The following GRK3 variants were observed in gnomAD, a reference collection of about 807,000 sequenced individuals.
GRK3 encodes adrenergic, beta, receptor kinase 2.
A neutral mutation model predicts 95.7 loss-of-function variants in GRK3; 54 were observed. The ratio of observed to expected loss-of-function variants is 0.56; its 90% CI spans 0.45 to 0.71. The LOEUF is 0.71. Ranked by LOEUF, GRK3 falls within the 30% of genes least tolerant of loss-of-function variation. GRK3 has a pLI of 0.00. For synonymous variants in GRK3, 281 were observed against 290.8 expected, an observed-to-expected ratio of 0.97 and a Z score of 0.34; for missense variants, 649 against 851.2, an observed-to-expected ratio of 0.76 and a Z score of 2.96.
At chr22:25,588,662 TG>T (rs1932397099) in intron 1 of GRK3, among the ~76,000 whole-genome samples, 1 of 152,194 alleles carries the variant, frequency 6.6e-6, no homozygotes, top group Non-Finnish European at 1.5e-5. Flanking sequence ...AGTTTCATTT[TG>T]GGGGAACAGA....
intron 2 of GRK3, among the ~76,000 whole-genome samples, chr22:25,615,520 T>G (rs1315268913): frequency 6.6e-6 from 1 of 152,182 alleles, no homozygotes; most frequent in Non-Finnish European, 1.5e-5. Context: ...TAGTCAAAGT[T>G]AAAACCAGGA....
intron 1 of GRK3, among the ~76,000 whole-genome samples, chr22:25,577,520 T>C (rs1823073489): frequency 6.6e-6 from 1 of 152,184 alleles, no homozygotes. Context: ...TAGCAGTTCA[T>C]TCTAAATTGT....
chr22:25,656,198 T>C (rs2084869938), intron 3 of GRK3, among the ~76,000 whole-genome samples: 1 of 152,246 alleles, frequency 6.6e-6, no homozygotes. Flanking sequence ...TGAGGCAGCT[T>C]ATAGAAATAT....
chr22:25,582,174 G>A (rs1932122569), intron 1 of GRK3, among the ~76,000 whole-genome samples: 1 of 152,028 alleles, frequency 6.6e-6, no homozygotes, highest in African/African-American at 2.4e-5. Context: ...CTACTCAGGA[G>A]GCTGAGGCAG....
chr22:25,698,618 A>G (rs1334234096), intron 13 of GRK3, among the ~76,000 whole-genome samples: 1 of 152,226 alleles, frequency 6.6e-6, no homozygotes, highest in Non-Finnish European at 1.5e-5. Context: ...TGGTTGGGTC[A>G]GCACTGGGAG....
intron 6 of GRK3, among the ~76,000 whole-genome samples, chr22:25,670,881 C>CAAAAAAAAAA (rs71191074): frequency 7.3e-4 from 48 of 65,374 alleles, no homozygotes; most frequent in African/African-American, 1.7e-3. Flanking sequence ...ACTAAAAATA[C>CAAAAAAAAAA]AAAAAAAAAA....
At chr22:25,675,673 G>A (rs575041703) in intron 8 of GRK3, among the ~76,000 whole-genome samples, 1 of 152,222 alleles carries the variant, frequency 6.6e-6, no homozygotes, top group Non-Finnish European at 1.5e-5. Context: ...TTCAGTGCCT[G>A]CCTCCGGTCA....
intron 2 of GRK3, among the ~76,000 whole-genome samples, chr22:25,626,181 A>G (rs112507092): frequency 0.09 from 13,715 of 152,190 alleles, 758 homozygotes; most frequent in Middle Eastern, 0.16. Flanking sequence ...TGCCCGCCTC[A>G]GCCTCCTAAA....
At chr22:25,713,374 C>T (rs752668374) in intron 17 of GRK3, among the ~76,000 whole-genome samples, 11 of 152,184 alleles carry the variant, frequency 7.2e-5, no homozygotes, top group Admixed American at 1.3e-4. Flanking sequence ...CAGGTCAAAG[C>T]GACCTCAGAA....
chr22:25,565,240 T>C, intron 1 of GRK3, 87 bp downstream of exon 1: 1 of 586,212 alleles, frequency 1.7e-6, no homozygotes, highest in Non-Finnish European at 2.7e-6. Context: ...GGTCGGGCGC[T>C]GAGCCTCCGC....
chr22:25,678,944 T>A, intron 9 of GRK3, 29 bp downstream of exon 9: 1 of 1,405,758 alleles, frequency 7.1e-7, no homozygotes, highest in Non-Finnish European at 9.8e-7. Flanking sequence ...GCATTTCTTT[T>A]AAAAATGTTT....
chr22:25,647,201 C>T lies in GRK3; in HGVS notation c.264+2536C>T. On this transcript the variant is annotated intron_variant, in intron 3 of 20. Transcript: ENST00000324198. ...CTCACCTCCACCCACCGCCCCCTCCCACCACCCGGAGCTGCAGCAGCAGCG... is the reference window on the plus strand; with the variant it reads ...CTCACCTCCACCCACCGCCCCCTCCTACCACCCGGAGCTGCAGCAGCAGCG... The T allele has an allele frequency of 2.2e-5, 4 of 181,458 alleles. 1 individual carries two copies. In the South Asian group the frequency reaches 4.9e-4, roughly 22 times the overall value. The allele number at this position is 181,458 out of a possible 1,614,324, so 11.2% of individuals were successfully genotyped here.
At position 25,609,755 on chromosome 22, in the gene GRK3, C is replaced by T. The variant is rs116710978; in HGVS notation, c.190+5302C>T. Among the ~76,000 whole-genome samples, 1,106 of 152,106 alleles carry T rather than the reference C, an allele frequency of 7.3e-3. 18 individuals are homozygous for T. The highest frequency in any genetic ancestry group is 0.024 in the African/African-American group (994 of 41,494). ...TCATTTTATAATACTGGCTTCAGAA[C>T]TCAATCCCCAGTTTGAATAGTAATC... On this transcript the variant is annotated intron_variant, in intron 2 of 20. Transcript: ENST00000324198.
chr22:25,641,379 A>G lies in GRK3; in HGVS notation c.191-3213A>G, dbSNP rs563675913. Among the ~76,000 whole-genome samples the G allele has an allele frequency of 1.6e-4, 24 of 151,242 alleles. 2 individuals are homozygous for G. The South Asian group carries it at 4.8e-3, about 30-fold the overall frequency. On this transcript the variant is annotated intron_variant, in intron 2 of 20. Transcript: ENST00000324198. ...TCCTTGTACCTTTGCTCTTTCTTCT[A>G]CCTTTCTTCCTTTGTTCTCTCTCCT...
At chr22:25,706,479 T>C (rs1452787974) in intron 15 of GRK3, among the ~76,000 whole-genome samples, 1 of 152,234 alleles carries the variant, frequency 6.6e-6, no homozygotes, top group Non-Finnish European at 1.5e-5. Context: ...TGTCTGCTGA[T>C]GGCCCTCTCT....
intron 1 of GRK3, among the ~76,000 whole-genome samples, chr22:25,574,513 A>G (rs1454470200): frequency 6.6e-6 from 1 of 152,242 alleles, no homozygotes; most frequent in Non-Finnish European, 1.5e-5. Context: ...AAATAAAACC[A>G]AAAACTAAAA....
At chr22:25,691,362 C>T (rs933614475) in intron 12 of GRK3, among the ~76,000 whole-genome samples, 8 of 151,872 alleles carry the variant, frequency 5.3e-5, no homozygotes, top group African/African-American at 1.4e-4. Flanking sequence ...AACCACAGAT[C>T]CTTCTCTTTG....
At chr22:25,640,699 C>G (rs977196295) in intron 2 of GRK3, among the ~76,000 whole-genome samples, 5 of 152,140 alleles carry the variant, frequency 3.3e-5, no homozygotes, top group Non-Finnish European at 7.4e-5. Flanking sequence ...AAGTTCTTAA[C>G]TTACATTTTA....
rs2084473154 is a variant in GRK3 at position 25,608,843 on chromosome 22, G to A, written c.190+4390G>A. 3.3e-5 allele frequency among the ~76,000 whole-genome samples: 5 copies of A among 152,234 alleles called. No homozygotes were observed. In the South Asian group the frequency reaches 1.0e-3, roughly 32 times the overall value. On this transcript the variant is annotated intron_variant, in intron 2 of 20. Transcript: ENST00000324198. ...ACACTTCTGACCTATAGAACTGTGAGATGATACGTGGGTGTTGTTTTCCAG... is the reference window on the plus strand; with the variant it reads ...ACACTTCTGACCTATAGAACTGTGAAATGATACGTGGGTGTTGTTTTCCAG...
Sources: allele counts gnomAD v4.1 joint callset (sites outside exome capture counted in the v4.1 genomes callset), GRCh38; gene constraint gnomAD v4.1.1; transcripts MANE v1.5; gene names NCBI Gene and HGNC (gene_info 2026-07-23, HGNC 2026-07-21).